Variants in SLC39A8 observed in about 807,000 individuals in gnomAD.
SLC39A8 encodes metal cation symporter ZIP8.
SLC39A8 carries 15 observed loss-of-function variants against 40.4 expected under a neutral mutation model. The observed-to-expected ratio is 0.37, with a 90% CI of 0.25 to 0.57. SLC39A8 has a LOEUF of 0.57. Ranked by LOEUF, SLC39A8 falls within the 20% of genes least tolerant of loss-of-function variation. The probability of loss-of-function intolerance (pLI) is 0.75; values close to 1 mark genes in which losing one functional copy is unlikely to be tolerated. For synonymous variants in SLC39A8, 223 were observed against 221.6 expected, an observed-to-expected ratio of 1.01 and a Z score of -0.06; for missense variants, 472 against 558.8, an observed-to-expected ratio of 0.84 and a Z score of 1.57.
In SLC39A8 at chr4:102,262,844, T is replaced by C. The variant is rs140417552; in HGVS notation, c.*200A>G. 1,327 of 1,352,586 alleles carry C rather than the reference T, an allele frequency of 9.8e-4. 12 individuals are homozygous for C. The African/African-American group carries it at 0.018, about 18-fold the overall frequency. The allele number at this position is 1,352,586 out of a possible 1,614,324, so 83.8% of individuals were successfully genotyped here. A position where few individuals can be genotyped will look rare whatever the true frequency, so the allele number is the denominator to read the frequency against. On this transcript the variant is annotated 3_prime_UTR_variant, in exon 9 of 9. Transcript: ENST00000356736. Reference sequence around the variant, plus strand: ...CTCCTATATACCAGGCATCTCAGACTGACACTGAAAACCTTTTGAAGCATT... The same window carrying C: ...CTCCTATATACCAGGCATCTCAGACCGACACTGAAAACCTTTTGAAGCATT...
intron 11 of SLC39A8, among the ~76,000 whole-genome samples, chr4:102,255,973 T>C (rs1377771183): frequency 6.6e-6 from 1 of 152,214 alleles, no homozygotes; most frequent in Non-Finnish European, 1.5e-5. Context: ...ATTCTGAGGC[T>C]TACTTTTCAC....
intron 2 of SLC39A8, among the ~76,000 whole-genome samples, chr4:102,344,025 A>G (rs1736050508): frequency 1.3e-5 from 2 of 152,196 alleles, no homozygotes; most frequent in Non-Finnish European, 2.9e-5. Context: ...GGCAACTGTT[A>G]ACCAGGGTGG....
intron 2 of SLC39A8, among the ~76,000 whole-genome samples, chr4:102,318,309 A>G (rs530795616): frequency 8.5e-5 from 13 of 152,314 alleles, no homozygotes; most frequent in Admixed American, 3.9e-4. Context: ...CAACTGTCCA[A>G]TCACCACGAA....
chr4:102,281,774 G>C (rs1319239854), intron 6 of SLC39A8, among the ~76,000 whole-genome samples: 1 of 152,142 alleles, frequency 6.6e-6, no homozygotes, highest in Non-Finnish European at 1.5e-5. Context: ...TGGAGCGTGA[G>C]AAGTAGGAGC....
intron 2 of SLC39A8, among the ~76,000 whole-genome samples, chr4:102,332,700 T>C (rs1735516380): frequency 6.6e-6 from 1 of 152,250 alleles, no homozygotes; most frequent in African/African-American, 2.4e-5. Context: ...CACTCTACTT[T>C]AAAGACACAT....
chr4:102,300,199 G>A (rs143647397), intron 6 of SLC39A8, among the ~76,000 whole-genome samples: 1 of 152,106 alleles, frequency 6.6e-6, no homozygotes, highest in Non-Finnish European at 1.5e-5. Context: ...TGGAGCAAAG[G>A]TATTAAGGAA....
At chr4:102,275,211 C>T (rs1257275375) in intron 6 of SLC39A8, among the ~76,000 whole-genome samples, 1 of 151,856 alleles carries the variant, frequency 6.6e-6, no homozygotes, top group African/African-American at 2.4e-5. Flanking sequence ...AGACCCATCT[C>T]ATGTAAGAAG....
downstream of SLC39A8, among the ~76,000 whole-genome samples, chr4:102,261,345 G>A (rs555064544): frequency 4.3e-4 from 66 of 152,210 alleles, no homozygotes; most frequent in African/African-American, 1.5e-3. Flanking sequence ...GTGCTGTTTT[G>A]GCTCTTCTCA....
chr4:102,326,593 G>T lies in SLC39A8; in HGVS notation c.220-10763C>A, dbSNP rs566266003. On this transcript the variant is annotated intron_variant, in intron 2 of 8. Coordinates refer to ENST00000356736, the MANE Select transcript of SLC39A8 (RefSeq NM_001135146.2). ...TAAAAAATAAAATTAGCATGGAATG[G>T]GTTTATTGTTATGTTTAATAAATTA... Among the ~76,000 whole-genome samples, 3 of 151,866 alleles carry T rather than the reference G, an allele frequency of 2.0e-5. No individual in the cohort carries two copies. In the South Asian group the frequency reaches 6.2e-4, roughly 32 times the overall value.
chr4:102,263,070 A>G lies in SLC39A8; in HGVS notation c.1357T>C (p.Tyr453His). ...GFTAILLITL[Y>H]AGEIELE ...TACTCCAATTCGATTTCTCCTGCATACAAGGTAATGAGTAGAATGGCTGTG... is the reference window on the plus strand; with the variant it reads ...TACTCCAATTCGATTTCTCCTGCATGCAAGGTAATGAGTAGAATGGCTGTG... Residue 453 changes from tyrosine to histidine, a missense_variant, in exon 9 of 9, where the codon TAT becomes CAT. Around this residue, in one of 4 missense-constraint regions of SLC39A8, gnomAD observed 50 missense variants for 50.5 expected, o/e 0.99. Coordinates refer to ENST00000356736, the MANE Select transcript of SLC39A8 (RefSeq NM_001135146.2). 4 of 1,612,718 alleles carry G rather than the reference A, an allele frequency of 2.5e-6. No individual in the cohort carries two copies. The highest frequency in any genetic ancestry group is 3.4e-6 in the Non-Finnish European group (4 of 1,179,250).
chr4:102,340,816 A>G (rs1014019690), intron 2 of SLC39A8, among the ~76,000 whole-genome samples: 9 of 152,218 alleles, frequency 5.9e-5, no homozygotes, highest in Non-Finnish European at 1.2e-4. Context: ...GATACCCCAG[A>G]AAGGTTTTAT....
chr4:102,333,305 A>G (rs1280679481), intron 2 of SLC39A8, among the ~76,000 whole-genome samples: 2 of 152,186 alleles, frequency 1.3e-5, no homozygotes, highest in African/African-American at 4.8e-5. Flanking sequence ...TACTTACAGC[A>G]TGCCAGGCAA....
Position 102,262,354 on chromosome 4 carries a change from G to C in SLC39A8, c.*690C>G. On this transcript the variant is annotated 3_prime_UTR_variant, in exon 9 of 9. Coordinates refer to ENST00000356736, the MANE Select transcript of SLC39A8 (RefSeq NM_001135146.2). Reference sequence around the variant, plus strand: ...CAGAAAAAAAGCTATCCAGCTTTTCGTGGAATCTGGTGAAGTTTATACTTA... The same window carrying C: ...CAGAAAAAAAGCTATCCAGCTTTTCCTGGAATCTGGTGAAGTTTATACTTA... 2 of 985,506 alleles carry C rather than the reference G, an allele frequency of 2.0e-6. No individual in the cohort carries two copies. Among genetic ancestry groups the C allele is most frequent in the South Asian group, 4.7e-5 (1 of 21,286 alleles). 61.0% of individuals were successfully genotyped at this position (985,506 alleles called of 1,614,324 possible). A position where few individuals can be genotyped will look rare whatever the true frequency, so the allele number is the denominator to read the frequency against.
At chr4:102,310,375 A>T (rs981325406) in intron 3 of SLC39A8, among the ~76,000 whole-genome samples, 3 of 152,098 alleles carry the variant, frequency 2.0e-5, no homozygotes, top group South Asian at 2.1e-4. Flanking sequence ...TGCCTACATC[A>T]TATAAACTGT....
chr4:102,291,281 T>G (rs964308896), intron 6 of SLC39A8, among the ~76,000 whole-genome samples: 1 of 151,964 alleles, frequency 6.6e-6, no homozygotes, highest in African/African-American at 2.4e-5. Flanking sequence ...ATGTATGCAT[T>G]CTTTGCCAAA....
intron 2 of SLC39A8, among the ~76,000 whole-genome samples, chr4:102,343,859 CTAACAATA>C: frequency 6.6e-6 from 1 of 152,194 alleles, no homozygotes; most frequent in East Asian, 1.9e-4. Context: ...TGACAAGGAA[CTAACAATA>C]TAAGCCTAGT....
At chr4:102,253,982 T>C (rs747062569) in intron 11 of SLC39A8, among the ~76,000 whole-genome samples, 1 of 152,176 alleles carries the variant, frequency 6.6e-6, no homozygotes, top group Non-Finnish European at 1.5e-5. Context: ...ACAGTTCTCT[T>C]TTGGTATCAT....
At chr4:102,256,650 T>C (rs1319163931) in intron 11 of SLC39A8, among the ~76,000 whole-genome samples, 1 of 152,234 alleles carries the variant, frequency 6.6e-6, no homozygotes, top group Non-Finnish European at 1.5e-5. Flanking sequence ...TTCATCCCCA[T>C]AAATTTTCTC....
Position 102,315,767 on chromosome 4 carries a change from A to G in SLC39A8, c.283T>C (p.Ser95Pro), listed in dbSNP as rs770454611. The G allele has an allele frequency of 1.2e-6, 2 of 1,613,352 alleles. No homozygotes were observed. The highest frequency in any genetic ancestry group is 1.7e-5 in the Admixed American group (1 of 59,926). Residue 95 changes from serine (S) to proline (P), a missense_variant, in exon 3 of 9, where the codon TCC (serine) becomes CCC (proline). Around this residue, in one of 4 missense-constraint regions of SLC39A8, gnomAD observed 175 missense variants for 160.5 expected, o/e 1.09. Coordinates refer to ENST00000356736, the MANE Select transcript of SLC39A8 (RefSeq NM_001135146.2). ...GCTGGACAGATGACAGAGAATTTGG[A>G]GCTGGTTATTTGGGTAGCATTTGAA... is the stretch of plus-strand genomic sequence containing the variant. ...GFSNATQITSSKFSVICPAVL... is the reference protein window; with the variant it reads ...GFSNATQITSPKFSVICPAVL...
Sources: gnomAD v4.1 joint callset for allele counts (sites outside exome capture counted in the v4.1 genomes callset) on GRCh38, gnomAD v4.1.1 for gene constraint, gnomAD v4.1.1 regional missense constraint, MANE v1.5 for transcripts, NCBI Gene and HGNC (gene_info 2026-07-23, HGNC 2026-07-21) for gene names.